The following CHD3 variants were observed in gnomAD, a reference collection of about 807,000 sequenced individuals.
CHD3 encodes the protein ATP-dependent chromatin remodeler CHD3.
In CHD3, 52 loss-of-function variants were observed where a neutral mutation model predicts 248.9. That is an observed-to-expected ratio of 0.21 (90% CI 0.17 to 0.26). CHD3 has a LOEUF of 0.26. CHD3 is among the 10% of genes least tolerant of loss of function. The pLI is 1.00. For missense variants in CHD3, 1,482 were observed against 2,605.8 expected (o/e 0.57, Z 9.39); for synonymous variants, 985 against 985.2 (o/e 1.00, Z 0.00).
chr17:7,905,587 TG>T lies in CHD3; in HGVS notation c.4139-32del, dbSNP rs914577169. ...GAGGACTGAGGCTTAGAGGAGGTGG[TG>T]GCTCAGCTAACTGATGTCATCCCCA... On this transcript the variant is annotated intron_variant, in intron 26 of 39. Transcript: ENST00000330494. The surrounding 1 kb of genome is among the most constrained non-coding windows in gnomAD (Gnocchi z 5.8). 1.3e-6 allele frequency: 2 copies of T among 1,505,190 alleles called. No homozygotes were observed. Among genetic ancestry groups the T allele is most frequent in the African/African-American group, 1.4e-5 (1 of 71,998 alleles). 93.2% of individuals were successfully genotyped at this position (1,505,190 alleles called of 1,614,324 possible).
At chr17:7,884,922 CCGA>C, upstream of CHD3, 1 of 1,414,042 alleles carries the variant, frequency 7.1e-7, no homozygotes, top group Non-Finnish European at 9.3e-7. Flanking sequence ...GTGGAGGCGG[CCGA>C]CGAGGACGAT....
In CHD3 at chr17:7,893,864, C is replaced by T. The variant is rs1258858288; in HGVS notation, c.853C>T (p.Arg285Trp). ...AGTGCCTGATGGACGCAAGAAGCTT[C>T]GGGGAAAGAAAATGGCACCACTCAA... ...PRVPDGRKKL[R>W]GKKMAPLKIK... Residue 285 changes from arginine to tryptophan, a missense_variant, in exon 6 of 40, where the codon CGG becomes TGG. By Grantham distance (101) the Arg-to-Trp change is moderately radical. This residue lies in a region of CHD3 where 149 missense variants were observed against 182.6 expected (regional missense o/e 0.82). Transcript: ENST00000330494. The T allele has an allele frequency of 3.7e-6, 6 of 1,612,762 alleles. No homozygotes were observed. Among genetic ancestry groups the T allele is most frequent in the Non-Finnish European group, 5.1e-6 (6 of 1,179,408 alleles).
Position 7,911,206 on chromosome 17 carries a change from A to C in CHD3, c.5881+233A>C, listed in dbSNP as rs1209054251. Among the ~76,000 whole-genome samples, 1 of 152,144 alleles carries C rather than the reference A, an allele frequency of 6.6e-6. No individual in the cohort carries two copies. The highest frequency in any genetic ancestry group is 1.5e-5 in the Non-Finnish European group (1 of 68,032). On this transcript the variant is annotated intron_variant, in intron 39 of 39. Coordinates refer to ENST00000330494, the MANE Select transcript of CHD3 (RefSeq NM_001005273.3). This position sits in a 1 kb window ranked among gnomAD's most constrained non-coding sequence, Gnocchi z 5.4. ...GTAGATCTGTGGCTTGGTGTCTTCT[A>C]CCCGAGCCACCTCCCTCCGGGTTCC...
rs1399078707 is a variant in CHD3 at position 7,894,911 on chromosome 17, C to T, written c.1270-6C>T. The T allele has an allele frequency of 1.9e-6, 3 of 1,612,262 alleles. No homozygotes were observed. The highest frequency in any genetic ancestry group is 3.3e-5 in the Admixed American group (2 of 59,996). ...TCTGTCTGTGTGTCTATCCTTGGCC[C>T]CCTAGGAGAAGGAGGGGGTCCAGTG... On this transcript the variant is annotated splice_polypyrimidine_tract_variant and splice_region_variant and intron_variant, in intron 8 of 39. Transcript: ENST00000330494.
At chr17:7,885,307 C>CCGCCGCCGCCGCCGCCGCCGCCGCCGCCG (rs1967659125), upstream of CHD3, 14 of 157,276 alleles carry the variant, frequency 8.9e-5, no homozygotes, top group East Asian at 2.4e-4. Flanking sequence ...GCACCCCTCC[C>CCGCCGCCGCCGCCGCCGCCGCCGCCGCCG]CCGCCGCCGC....
upstream of CHD3, chr17:7,885,071 C>T (rs1477439734): frequency 4.0e-6 from 4 of 987,802 alleles, no homozygotes; most frequent in African/African-American, 7.1e-5. Flanking sequence ...GCCGCCGCCG[C>T]CCCCGCCGCC....
At chr17:7,896,982 C>G in intron 10 of CHD3, 101 bp from the exon 11 acceptor site, 2 of 954,862 alleles carry the variant, frequency 2.1e-6, no homozygotes, top group Non-Finnish European at 3.3e-6. Context: ...TTCATAGCTC[C>G]CTTTCCCTGT....
upstream of CHD3, among the ~76,000 whole-genome samples, chr17:7,887,126 C>T (rs1334882869): frequency 6.6e-6 from 1 of 152,134 alleles, no homozygotes; most frequent in African/African-American, 2.4e-5. Flanking sequence ...TTATTTCTGT[C>T]TACCTAAGTG....
chr17:7,906,737 C>T lies in CHD3; in HGVS notation c.4503+40C>T. On this transcript the variant is annotated intron_variant, in intron 29 of 39. Coordinates refer to ENST00000330494, the MANE Select transcript of CHD3 (RefSeq NM_001005273.3). This position sits in a 1 kb window ranked among gnomAD's most constrained non-coding sequence, Gnocchi z 5.0. ...GTCACCCAAAGAATCAAGCTGGCTG[C>T]CTAGTCTCTGTCCTTCCTCTGCCTC... 1.9e-6 allele frequency: 3 copies of T among 1,586,046 alleles called. No individual in the cohort carries two copies. The highest frequency in any genetic ancestry group is 2.6e-6 in the Non-Finnish European group (3 of 1,164,802).
chr17:7,894,258 G>T lies in CHD3; in HGVS notation c.1068G>T (p.Lys356Asn). 1 of 1,614,022 alleles carries T rather than the reference G, an allele frequency of 6.2e-7. No homozygotes were observed. Among genetic ancestry groups the T allele is most frequent in the Non-Finnish European group, 8.5e-7 (1 of 1,179,966 alleles). ...KLKRGRPGRKKKKVLGCPAVA... is the reference protein window; with the variant it reads ...KLKRGRPGRKNKKVLGCPAVA... ...AGAGAGGCCGGCCAGGAAGGAAGAA[G>T]AAGAAGGGTAAGGAGTGTTGACTGT... Residue 356 changes from lysine to asparagine, a missense_variant, in exon 7 of 40, where the codon AAG becomes AAT. This residue lies in a region of CHD3 where 138 missense variants were observed against 241.1 expected (regional missense o/e 0.57). Coordinates refer to ENST00000330494, the MANE Select transcript of CHD3 (RefSeq NM_001005273.3).
At position 7,905,615 on chromosome 17, in the gene CHD3, C is replaced by T. The variant is rs1252455177; in HGVS notation, c.4139-6C>T. The T allele has an allele frequency of 5.1e-6, 8 of 1,582,484 alleles. No homozygotes were observed. Among genetic ancestry groups the T allele is most frequent in the Non-Finnish European group, 6.9e-6 (8 of 1,162,092 alleles). ...CTCAGCTAACTGATGTCATCCCCAC[C>T]CTCAGGGCGTAGACAGTCAAAGAGG... On this transcript the variant is annotated splice_region_variant and splice_polypyrimidine_tract_variant and intron_variant, in intron 26 of 39. Transcript: ENST00000330494. The surrounding 1 kb of genome is among the most constrained non-coding windows in gnomAD (Gnocchi z 5.8).
chr17:7,903,558 C>G lies in CHD3; in HGVS notation c.3727+55C>G. ...GCAGGCCCCTGCTCTCTCAGGAGTA[C>G]TTATCAGCCCCCTGGGGAGAGAAAA... On this transcript the variant is annotated intron_variant, in intron 23 of 39. Coordinates refer to ENST00000330494, the MANE Select transcript of CHD3 (RefSeq NM_001005273.3). This position sits in a 1 kb window ranked among gnomAD's most constrained non-coding sequence, Gnocchi z 6.8. 7.0e-7 allele frequency: 1 copy of G among 1,428,334 alleles called. No homozygotes were observed. The highest frequency in any genetic ancestry group is 9.7e-7 in the Non-Finnish European group (1 of 1,031,550). 88.5% of individuals were successfully genotyped at this position (1,428,334 alleles called of 1,614,324 possible).
intron 4 of CHD3, among the ~76,000 whole-genome samples, chr17:7,891,297 T>G (rs888487080): frequency 6.6e-6 from 1 of 152,154 alleles, no homozygotes; most frequent in African/African-American, 2.4e-5. Flanking sequence ...ATGATTCCAG[T>G]GCTGGGTTAG....
In CHD3 at chr17:7,891,862, C is replaced by CA. The variant is rs201268003; in HGVS notation, c.509+811dup. ...CTGGGCAACAAGCGAAACTCCGTCT[C>CA]AAAAAAAAAAAAAGAAAAAATAGTG... On this transcript the variant is annotated intron_variant, in intron 4 of 39. Coordinates refer to ENST00000330494, the MANE Select transcript of CHD3 (RefSeq NM_001005273.3). Among the ~76,000 whole-genome samples the CA allele has an allele frequency of 2.6e-3, 320 of 123,542 alleles. 2 individuals are homozygous for CA. The highest frequency in any genetic ancestry group is 6.6e-3 in the East Asian group (29 of 4,390). The allele number at this position is 123,542 out of a possible 152,430, so 81.0% of individuals were successfully genotyped here. A position where few individuals can be genotyped will look rare whatever the true frequency, so the allele number is the denominator to read the frequency against.
intron 19 of CHD3, 113 bp downstream of exon 19, chr17:7,901,106 CGGACTGGGT>C: frequency 6.6e-7 from 1 of 1,510,568 alleles, no homozygotes; most frequent in Non-Finnish European, 8.9e-7. Flanking sequence ...TGGAAGGCCA[CGGACTGGGT>C]GTCTGAGAAC....
chr17:7,888,455 T>A (rs886630821), upstream of CHD3, among the ~76,000 whole-genome samples: 3 of 152,162 alleles, frequency 2.0e-5, no homozygotes, highest in African/African-American at 7.2e-5. Context: ...ACTAGACAGG[T>A]CTGGCTGGTT....
Position 7,910,344 on chromosome 17 carries a change from A to G in CHD3, c.5591-84A>G, listed in dbSNP as rs1454940321. 4 of 1,546,720 alleles carry G rather than the reference A, an allele frequency of 2.6e-6. No homozygotes were observed. Among genetic ancestry groups the G allele is most frequent in the African/African-American group, 1.4e-5 (1 of 73,214 alleles). ...GCTCTTTTTCTGCCTGTATCTGTCC[A>G]TCTGATGCCTCTCTTTTCCTGGCTC... is the stretch of plus-strand genomic sequence containing the variant. On this transcript the variant is annotated intron_variant, in intron 37 of 39. Transcript: ENST00000330494. The surrounding 1 kb of genome is among the most constrained non-coding windows in gnomAD (Gnocchi z 4.7).
Position 7,893,341 on chromosome 17 carries a change from C to G in CHD3, c.565C>G (p.Leu189Val). The stretch of plus-strand genomic sequence containing the variant: ...CCCAATGTCTAAGATGATGACCATC[C>G]TTGGGGCCAAATGGAGAGAGTTCAG... The part of the protein sequence containing the change: ...KIPMSKMMTI[L>V]GAKWREFSAN... The change falls in exon 5 of 40, where the codon CTT (leucine) becomes GTT (valine). Residue 189 changes from leucine (L) to valine (V), a missense_variant. Leu to Val is a conservative substitution (Grantham distance 32). Around this residue, in one of 20 missense-constraint regions of CHD3, gnomAD observed 30 missense variants for 83.5 expected, o/e 0.36. Coordinates refer to ENST00000330494, the MANE Select transcript of CHD3 (RefSeq NM_001005273.3). 1 of 1,613,912 alleles carries G rather than the reference C, an allele frequency of 6.2e-7. No individual in the cohort carries two copies. The highest frequency in any genetic ancestry group is 8.5e-7 in the Non-Finnish European group (1 of 1,179,926).
Position 7,893,764 on chromosome 17 carries a change from A to G in CHD3, c.794-41A>G, listed in dbSNP as rs200504536. ...ACCTCCATAATTCCAGGATGTCATG[A>G]CCTCTCCTTTTTCCTCTTCTCACCC... is the stretch of plus-strand genomic sequence containing the variant. On this transcript the variant is annotated intron_variant, in intron 5 of 39. Transcript: ENST00000330494. The G allele has an allele frequency of 4.5e-5, 73 of 1,606,146 alleles. No homozygotes were observed. In the East Asian group the frequency reaches 1.6e-3, roughly 35 times the overall value.
Sources: gnomAD v4.1 joint callset for allele counts (sites outside exome capture counted in the v4.1 genomes callset) on GRCh38, gnomAD v4.1.1 for gene constraint, gnomAD v4.1.1 regional missense constraint, Gnocchi (gnomAD v3.1) non-coding constraint, MANE v1.5 for transcripts, NCBI Gene and HGNC (gene_info 2026-07-23, HGNC 2026-07-21) for gene names.